Variants in FAM171A1 observed in about 807,000 individuals in gnomAD.
FAM171A1 encodes the protein protein FAM171A1.
A neutral mutation model predicts 74.9 loss-of-function variants in FAM171A1; 23 were observed. That is an observed-to-expected ratio of 0.31 (90% CI 0.22 to 0.44). FAM171A1 has a LOEUF of 0.44. Ranked by LOEUF, FAM171A1 falls within the 20% of genes least tolerant of loss-of-function variation. FAM171A1 has a pLI of 1.00. For missense variants in FAM171A1, 1,162 were observed against 1,159.2 expected, an observed-to-expected ratio of 1.00 and a Z score of -0.03; for synonymous variants, 527 against 505.7, an observed-to-expected ratio of 1.04 and a Z score of -0.57.
chr10:15,268,062 G>A (rs1300305483), intron 3 of FAM171A1, among the ~76,000 whole-genome samples: 2 of 152,182 alleles, frequency 1.3e-5, no homozygotes, highest in Non-Finnish European at 2.9e-5. Flanking sequence ...AGGGGTGCAG[G>A]CAGCCGGCTG....
At chr10:15,326,417 C>T (rs768405260) in intron 1 of FAM171A1, among the ~76,000 whole-genome samples, 27 of 151,934 alleles carry the variant, frequency 1.8e-4, no homozygotes, top group Non-Finnish European at 2.5e-4. Flanking sequence ...TGGGTTCAAG[C>T]GATTCTCCTG....
At chr10:15,305,470 A>T (rs532728771) in intron 1 of FAM171A1, among the ~76,000 whole-genome samples, 7 of 152,050 alleles carry the variant, frequency 4.6e-5, no homozygotes, top group Non-Finnish European at 1.0e-4. Flanking sequence ...TGAGGCCAGG[A>T]GTTCAAGACC....
intron 1 of FAM171A1, among the ~76,000 whole-genome samples, chr10:15,363,968 T>C (rs1836028088): frequency 6.9e-6 from 1 of 144,240 alleles, no homozygotes; most frequent in Non-Finnish European, 1.5e-5. Flanking sequence ...TGCATTTGCC[T>C]GAGAGAGGCA....
chr10:15,325,286 A>G (rs540972530), intron 1 of FAM171A1, among the ~76,000 whole-genome samples: 12 of 152,318 alleles, frequency 7.9e-5, no homozygotes, highest in African/African-American at 2.9e-4. Flanking sequence ...ACTTGAGCCC[A>G]GGAGTTCGAG....
At chr10:15,342,531 G>A (rs556804834) in intron 1 of FAM171A1, among the ~76,000 whole-genome samples, 1 of 152,170 alleles carries the variant, frequency 6.6e-6, no homozygotes, top group Non-Finnish European at 1.5e-5. Context: ...TTGCACCACT[G>A]CACTCCAGCC....
intron 3 of FAM171A1, among the ~76,000 whole-genome samples, chr10:15,267,083 T>C (rs566135009): frequency 2.3e-4 from 35 of 152,230 alleles, no homozygotes; most frequent in Middle Eastern, 3.4e-3. Flanking sequence ...AGCTTCTCCT[T>C]CCGAAATCTG....
rs1169098742 is a variant in FAM171A1, at chr10:15,312,673, GTTTT to G, written c.98-28572_98-28569del. ...TACTGGAATGAGTTCAGCACTGTGT[GTTTT>G]TTTTTTTTTTTTTTTTTTTTTTTTT... On this transcript the variant is annotated intron_variant, in intron 1 of 7. Transcript: ENST00000378116. Among the ~76,000 whole-genome samples, 186 of 36,396 alleles carry G rather than the reference GTTTT, an allele frequency of 5.1e-3. 12 individuals are homozygous for G. The highest frequency in any genetic ancestry group is 0.011 in the South Asian group (7 of 610). The allele number at this position is 36,396 out of a possible 152,430, so 23.9% of individuals were successfully genotyped here.
At chr10:15,284,612 C>T (rs1835013741) in intron 1 of FAM171A1, among the ~76,000 whole-genome samples, 1 of 152,048 alleles carries the variant, frequency 6.6e-6, no homozygotes, top group Non-Finnish European at 1.5e-5. Flanking sequence ...TGGGGTTTTG[C>T]CATGTTGCAA....
chr10:15,248,712 A>G lies in FAM171A1; in HGVS notation c.681T>C (p.Thr227=), dbSNP rs746036720. 1.9e-6 allele frequency: 3 copies of G among 1,613,442 alleles called. No homozygotes were observed. In the East Asian group the frequency reaches 6.7e-5, roughly 36 times the overall value. The change falls in exon 5 of 8, where the codon ACT becomes ACC. Residue 227 remains threonine (T), a synonymous_variant. Transcript: ENST00000378116. ...PVLVDGPIYV[T]VPLATQSSLR... is the part of the protein sequence containing the mutation. The stretch of plus-strand genomic sequence containing the variant: ...GGCTGCTCTGCGTGGCCAGGGGCAC[A>G]GTGACATAGATGGGACCATCCACCA...
At chr10:15,275,718 TTAA>T (rs1367133262) in intron 3 of FAM171A1, 134 bp downstream of exon 3, 2 of 491,736 alleles carry the variant, frequency 4.1e-6, no homozygotes, top group Non-Finnish European at 3.6e-6. Context: ...GATAGACAAG[TTAA>T]TGATGGGTTA....
intron 1 of FAM171A1, among the ~76,000 whole-genome samples, chr10:15,364,648 C>T (rs913552878): frequency 6.6e-6 from 1 of 152,134 alleles, no homozygotes; most frequent in African/African-American, 2.4e-5. Context: ...TTCTGGAGGT[C>T]GGAAGTCCAA....
intron 3 of FAM171A1, among the ~76,000 whole-genome samples, chr10:15,258,392 G>A (rs1434772334): frequency 2.6e-5 from 4 of 151,990 alleles, no homozygotes; most frequent in Non-Finnish European, 4.4e-5. Flanking sequence ...GTCAATCCAA[G>A]CCTCTAATTT....
chr10:15,336,038 T>G (rs559467778), intron 1 of FAM171A1, among the ~76,000 whole-genome samples: 2 of 152,296 alleles, frequency 1.3e-5, no homozygotes, highest in Admixed American at 6.5e-5. Flanking sequence ...TAATACAGCA[T>G]GTGGTGTCAG....
chr10:15,322,286 T>C (rs891071232), intron 1 of FAM171A1, among the ~76,000 whole-genome samples: 2 of 152,238 alleles, frequency 1.3e-5, no homozygotes, highest in African/African-American at 4.8e-5. Context: ...GGATTTCTAC[T>C]TGGTTCATGA....
intron 1 of FAM171A1, among the ~76,000 whole-genome samples, chr10:15,347,822 G>A (rs1339304741): frequency 7.4e-5 from 9 of 121,744 alleles, no homozygotes; most frequent in East Asian, 2.4e-4. Context: ...GCAACAGAGC[G>A]AGACTCCATC....
intron 5 of FAM171A1, among the ~76,000 whole-genome samples, chr10:15,234,809 C>A (rs1043700166): frequency 2.0e-5 from 3 of 151,180 alleles, no homozygotes; most frequent in African/African-American, 7.3e-5. Flanking sequence ...CCCACCACCA[C>A]GCCCGGCTAA....
chr10:15,360,269 A>T (rs1835978681), intron 1 of FAM171A1, among the ~76,000 whole-genome samples: 1 of 152,178 alleles, frequency 6.6e-6, no homozygotes, highest in African/African-American at 2.4e-5. Flanking sequence ...GACCCCAACC[A>T]GAGACTTGAC....
intron 1 of FAM171A1, among the ~76,000 whole-genome samples, chr10:15,342,374 A>G (rs1178126990): frequency 6.6e-6 from 1 of 152,244 alleles, no homozygotes; most frequent in African/African-American, 2.4e-5. Context: ...GTTCGAGACC[A>G]GCCTGGCCAA....
At chr10:15,219,330 A>G (rs1289136327) in intron 6 of FAM171A1, among the ~76,000 whole-genome samples, 1 of 152,150 alleles carries the variant, frequency 6.6e-6, no homozygotes, top group East Asian at 1.9e-4. Flanking sequence ...ACACACACAC[A>G]CAAAAAGCAT....
Sources: allele counts gnomAD v4.1 joint callset (sites outside exome capture counted in the v4.1 genomes callset), GRCh38; gene constraint gnomAD v4.1.1; transcripts MANE v1.5; gene names NCBI Gene and HGNC (gene_info 2026-07-23, HGNC 2026-07-21).